Variants in IL1RAPL1 observed in about 807,000 individuals in gnomAD.
IL1RAPL1 encodes interleukin-1 receptor accessory protein-like 1.
A neutral mutation model predicts 48.4 loss-of-function variants in IL1RAPL1; 3 were observed. That is an observed-to-expected ratio of 0.06 (90% confidence interval 0.03 to 0.16). The LOEUF (loss-of-function observed/expected upper bound fraction) is 0.16. IL1RAPL1 is among the 10% of genes least tolerant of loss of function. The pLI, the probability that IL1RAPL1 is intolerant of heterozygous loss-of-function variation, is 1.00. For synonymous variants in IL1RAPL1, 185 were observed against 187.7 expected, an observed-to-expected ratio of 0.99 and a Z score of 0.12; for missense variants, 349 against 530.6, an observed-to-expected ratio of 0.66 and a Z score of 3.36.
At chrX:28,657,045 A>G (rs1198065842) in intron 1 of IL1RAPL1, among the ~76,000 whole-genome samples, 13 of 109,290 alleles carry the variant, frequency 1.2e-4, no homozygotes, top group Admixed American at 1.2e-3. Context: ...AAAAAAAAAA[A>G]AGATTTTACA....
intron 2 of IL1RAPL1, among the ~76,000 whole-genome samples, chrX:28,950,504 G>A: frequency 1.2e-5 from 1 of 85,873 alleles, no homozygotes; most frequent in African/African-American, 4.4e-5. Context: ...GATGGGGATG[G>A]CATTGAATCT....
intron 2 of IL1RAPL1, among the ~76,000 whole-genome samples, chrX:28,953,977 G>T (rs1322354616): frequency 9.0e-6 from 1 of 111,250 alleles, no homozygotes; most frequent in South Asian, 3.7e-4. Context: ...GTCAAGTGTA[G>T]TTTCACTACT....
intron 3 of IL1RAPL1, among the ~76,000 whole-genome samples, chrX:29,310,371 A>G (rs1164778013): frequency 3.6e-5 from 4 of 110,949 alleles, no homozygotes; most frequent in African/African-American, 1.3e-4. Flanking sequence ...AGCTGAAACT[A>G]GAAAACAGAA....
At chrX:28,603,817 G>A (rs1238617675) in intron 1 of IL1RAPL1, among the ~76,000 whole-genome samples, 1 of 112,537 alleles carries the variant, frequency 8.9e-6, no homozygotes, top group Non-Finnish European at 1.9e-5. Flanking sequence ...GCATTGTAAA[G>A]GTGTTGTTCA....
intron 6 of IL1RAPL1, among the ~76,000 whole-genome samples, chrX:29,822,064 T>G (rs772014340): frequency 1.8e-5 from 2 of 112,130 alleles, no homozygotes; most frequent in South Asian, 7.4e-4. Flanking sequence ...GAAAATACAG[T>G]CAAAGATTTA....
At chrX:29,628,093 A>C (rs142365443) in intron 5 of IL1RAPL1, among the ~76,000 whole-genome samples, 23 of 112,203 alleles carry the variant, frequency 2.0e-4, no homozygotes, top group Non-Finnish European at 3.6e-4. Flanking sequence ...CGTGAGGTAA[A>C]ATTGATAAAG....
intron 2 of IL1RAPL1, among the ~76,000 whole-genome samples, chrX:28,873,396 C>T (rs1352149803): frequency 3.7e-5 from 4 of 109,229 alleles, no homozygotes; most frequent in African/African-American, 1.3e-4. Flanking sequence ...CAGGCGCGAG[C>T]CACCGAGCCC....
At chrX:29,213,813 C>T (rs1445004368) in intron 2 of IL1RAPL1, among the ~76,000 whole-genome samples, 1 of 112,252 alleles carries the variant, frequency 8.9e-6, no homozygotes, top group Non-Finnish European at 1.9e-5. Flanking sequence ...ACTTCCCCCA[C>T]CTCCAGCACC....
intron 6 of IL1RAPL1, among the ~76,000 whole-genome samples, chrX:29,857,277 T>TAA (rs1477775778): frequency 2.1e-3 from 230 of 110,694 alleles, no homozygotes; most frequent in African/African-American, 7.1e-3. Context: ...TAAAACATAA[T>TAA]AATAAAACCC....
intron 1 of IL1RAPL1, among the ~76,000 whole-genome samples, chrX:28,634,409 G>A (rs980906760): frequency 2.9e-4 from 31 of 108,401 alleles, no homozygotes; most frequent in African/African-American, 1.0e-3. Context: ...ATACACGTAT[G>A]TATACATATA....
At chrX:29,248,235 G>A (rs185138088) in intron 2 of IL1RAPL1, among the ~76,000 whole-genome samples, 76 of 111,112 alleles carry the variant, frequency 6.8e-4, no homozygotes, top group Non-Finnish European at 6.4e-4. Flanking sequence ...GGCCAACATA[G>A]CGAAACCCCC....
rs139264309 is a variant in IL1RAPL1 at position 29,453,281 on chromosome X, T to C, written c.703+53973T>C. Reference sequence around the variant, plus strand: ...CTACTCAATAGTGTCTTTATGACTATTACTTTAAAGAAATGAAGTAAAAGG... The same window carrying C: ...CTACTCAATAGTGTCTTTATGACTACTACTTTAAAGAAATGAAGTAAAAGG... On this transcript the variant is annotated intron_variant, in intron 5 of 10. Transcript: ENST00000378993. Among the ~76,000 whole-genome samples the C allele has an allele frequency of 9.1e-4, 101 of 110,621 alleles. 1 individual carries two copies. The highest frequency in any genetic ancestry group is 3.1e-3 in the African/African-American group (95 of 30,457).
chrX:29,899,480 G>A (rs1204801464), intron 6 of IL1RAPL1, among the ~76,000 whole-genome samples: 1 of 109,976 alleles, frequency 9.1e-6, no homozygotes, highest in Non-Finnish European at 1.9e-5. Context: ...TCTTCCTCAA[G>A]AATGAAAAGA....
chrX:29,325,035 T>C (rs1257159506), intron 3 of IL1RAPL1, among the ~76,000 whole-genome samples: 1 of 112,213 alleles, frequency 8.9e-6, no homozygotes, highest in Non-Finnish European at 1.9e-5. Flanking sequence ...ATCTTAATTA[T>C]TTTTTGACTT....
intron 6 of IL1RAPL1, among the ~76,000 whole-genome samples, chrX:29,804,700 T>A (rs902393640): frequency 1.2e-4 from 13 of 112,165 alleles, no homozygotes; most frequent in Admixed American, 3.8e-4. Context: ...CTTGTGTATG[T>A]CTTTATTAGC....
At chrX:29,406,421 C>T (rs1039163744) in intron 5 of IL1RAPL1, among the ~76,000 whole-genome samples, 5 of 110,257 alleles carry the variant, frequency 4.5e-5, no homozygotes, top group Non-Finnish European at 9.5e-5. Flanking sequence ...CATTTCCTTT[C>T]GATTCTTTTT....
At chrX:28,624,352 C>A (rs1226648822) in intron 1 of IL1RAPL1, among the ~76,000 whole-genome samples, 1 of 111,622 alleles carries the variant, frequency 9.0e-6, no homozygotes, top group Non-Finnish European at 1.9e-5. Context: ...CACAGCATTA[C>A]TTTTGATGAA....
At chrX:29,126,516 A>T (rs921593650) in intron 2 of IL1RAPL1, among the ~76,000 whole-genome samples, 1 of 112,596 alleles carries the variant, frequency 8.9e-6, no homozygotes, top group Non-Finnish European at 1.9e-5. Flanking sequence ...AATGTGGTTC[A>T]TGGTCCTTAA....
intron 2 of IL1RAPL1, among the ~76,000 whole-genome samples, chrX:29,130,678 T>C (rs905414031): frequency 8.9e-6 from 1 of 111,922 alleles, no homozygotes; most frequent in African/African-American, 3.2e-5. Context: ...TACAGTTAAA[T>C]TTGGTATTTG....
Sources: allele counts gnomAD v4.1 joint callset (sites outside exome capture counted in the v4.1 genomes callset), GRCh38; gene constraint gnomAD v4.1.1; transcripts MANE v1.5; gene names NCBI Gene and HGNC (gene_info 2026-07-23, HGNC 2026-07-21).